Variants in STAT6 observed in about 807,000 individuals in gnomAD.
STAT6 encodes STAT, interleukin4-induced.
STAT6 carries 45 observed loss-of-function variants against 106.3 expected under a neutral mutation model. That is an observed-to-expected ratio of 0.42 (90% CI 0.33 to 0.54). The LOEUF (loss-of-function observed/expected upper bound fraction) is 0.54. Among genes scored for constraint, STAT6 ranks in the 20% least tolerant of loss-of-function variants. The pLI is 0.06. For synonymous variants in STAT6, 413 were observed against 413.6 expected, an observed-to-expected ratio of 1.00 and a Z score of 0.02; for missense variants, 797 against 1,062.2, an observed-to-expected ratio of 0.75 and a Z score of 3.47.
intron 7 of STAT6, 70 bp from the exon 8 acceptor site, chr12:57,105,669 T>A: frequency 1.9e-6 from 3 of 1,548,352 alleles, no homozygotes; most frequent in Non-Finnish European, 2.6e-6. Context: ...CCCCTTCCCC[T>A]ATACCCAGGG....
chr12:57,098,844 G>A lies in STAT6; in HGVS notation c.2014C>T (p.Leu672Phe). The A allele has an allele frequency of 6.2e-7, 1 of 1,613,256 alleles. No individual in the cohort carries two copies. Among genetic ancestry groups the A allele is most frequent in the African/African-American group, 1.3e-5 (1 of 74,968 alleles). The change falls in exon 18 of 22, where the codon CTT becomes TTT. Residue 672 changes from leucine to phenylalanine, a missense_variant. By Grantham distance (22) the Leu-to-Phe change is conservative. Around this residue, in one of 4 missense-constraint regions of STAT6, gnomAD observed 226 missense variants for 236.7 expected, o/e 0.95. Transcript: ENST00000300134. ...QMPTMVPSYD[L>F]GMAPDSSMSM... ...ATGGAGGAATCAGGGGCCATTCCAA[G>A]GTCATAAGAAGGCACCATGGTAGGC...
intron 7 of STAT6, 194 bp downstream of exon 7, chr12:57,105,997 C>T (rs2034250770): frequency 2.2e-6 from 2 of 922,236 alleles, no homozygotes; most frequent in African/African-American, 1.7e-5. Flanking sequence ...CGCTTGTGCC[C>T]CTCCACTAGG....
chr12:57,099,247 A>G lies in STAT6; in HGVS notation c.1891+47T>C. 1 of 1,612,474 alleles carries G rather than the reference A, an allele frequency of 6.2e-7. No individual in the cohort carries two copies. Among genetic ancestry groups the G allele is most frequent in the Non-Finnish European group, 8.5e-7 (1 of 1,178,826 alleles). On this transcript the variant is annotated intron_variant, in intron 16 of 21. Transcript: ENST00000300134. The surrounding 1 kb of genome is among the most constrained non-coding windows in gnomAD (Gnocchi z 4.7). ...GAGAGGAGGGCAGCGGGGAGCAGGG[A>G]GGAAGTGGGTGACAGGAAGGAATCA...
At position 57,099,870 on chromosome 12, in the gene STAT6, A is replaced by G; in HGVS notation, c.1641T>C (p.Val547=). The stretch of plus-strand genomic sequence containing the variant: ...CGGGCTCATTGAGAAGAAGGCTAGT[A>G]ACGTACTGTTTGCTGATGAAGCCAA... The part of the protein sequence containing the change: ...LIIGFISKQY[V]TSLLLNEPDG... The change falls in exon 15 of 22, where the codon GTT becomes GTC. Residue 547 remains valine (V), a synonymous_variant. Transcript: ENST00000300134. This position sits in a 1 kb window ranked among gnomAD's most constrained non-coding sequence, Gnocchi z 4.7. 1 of 1,614,210 alleles carries G rather than the reference A, an allele frequency of 6.2e-7. No homozygotes were observed. Among genetic ancestry groups the G allele is most frequent in the African/African-American group, 1.3e-5 (1 of 75,040 alleles).
At position 57,096,776 on chromosome 12, in the gene STAT6, GAGA is replaced by G; in HGVS notation, c.2355-18_2355-16del. 6.2e-7 allele frequency: 1 copy of G among 1,613,488 alleles called. No individual in the cohort carries two copies. Among genetic ancestry groups the G allele is most frequent in the Non-Finnish European group, 8.5e-7 (1 of 1,179,742 alleles). Reference sequence around the variant, plus strand: ...CTTCACCAATCCTGCAAGGAGATGGGAGAAGCAGTGGAGTAGGCATGGCGCCCA... The same window carrying G: ...CTTCACCAATCCTGCAAGGAGATGGGAGCAGTGGAGTAGGCATGGCGCCCA... On this transcript the variant is annotated splice_polypyrimidine_tract_variant and intron_variant, in intron 21 of 21. Transcript: ENST00000300134.
chr12:57,110,089 G>A (rs1041716451), intron 1 of STAT6: 1 of 152,300 alleles, frequency 6.6e-6, no homozygotes, highest in Non-Finnish European at 1.5e-5. Flanking sequence ...CTCCTGCTCA[G>A]GTTCCTCCAA....
At position 57,105,488 on chromosome 12, in the gene STAT6, G is replaced by C; in HGVS notation, c.792C>G (p.Val264=). 1 of 1,614,074 alleles carries C rather than the reference G, an allele frequency of 6.2e-7. No homozygotes were observed. Among genetic ancestry groups the C allele is most frequent in the African/African-American group, 1.3e-5 (1 of 75,028 alleles). Residue 264 remains valine (V), a synonymous_variant, in exon 8 of 22, where the codon GTC becomes GTG. Transcript: ENST00000300134. ...RASLTGRLDE[V]LRTLVTSCFL... is the part of the protein sequence containing the mutation. ...AATACCTGGTGACGAGGGTTCTCAGGACTTCATCCAGCCGGCCAGTCAGCG... is the reference window on the plus strand; with the variant it reads ...AATACCTGGTGACGAGGGTTCTCAGCACTTCATCCAGCCGGCCAGTCAGCG...
chr12:57,098,671 G>A lies in STAT6; in HGVS notation c.2067-74C>T, dbSNP rs899119289. 4.3e-5 allele frequency: 67 copies of A among 1,562,298 alleles called. 1 individual carries two copies. In the African/African-American group the frequency reaches 8.7e-4, roughly 20 times the overall value. ...CACCACACCCTGCTTTTGAACAGGT[G>A]TCCCTCTCATGGAAAGGAAGATTCC... On this transcript the variant is annotated intron_variant, in intron 18 of 21. Coordinates refer to ENST00000300134, the MANE Select transcript of STAT6 (RefSeq NM_003153.5).
At position 57,107,327 on chromosome 12, in the gene STAT6, G is replaced by T. The variant is rs1442787848; in HGVS notation, c.256-13C>A. The T allele has an allele frequency of 1.7e-5, 27 of 1,612,218 alleles. No homozygotes were observed. Among genetic ancestry groups the T allele is most frequent in the Non-Finnish European group, 2.0e-5 (24 of 1,178,380 alleles). On this transcript the variant is annotated splice_polypyrimidine_tract_variant and intron_variant, in intron 3 of 21. Transcript: ENST00000300134. ...TCTGATATATGCTCTACAGAAATGA[G>T]GGTGGTAAACAGTGAGCTTTGCTCT...
chr12:57,098,044 T>C (rs1323939211), intron 19 of STAT6, among the ~76,000 whole-genome samples: 1 of 152,188 alleles, frequency 6.6e-6, no homozygotes, highest in Non-Finnish European at 1.5e-5. Flanking sequence ...TGTATAGTAG[T>C]CTATACCATC....
intron 12 of STAT6, 117 bp from the exon 13 acceptor site, chr12:57,102,613 C>T: frequency 8.8e-7 from 1 of 1,132,218 alleles, no homozygotes; most frequent in Non-Finnish European, 1.3e-6. Flanking sequence ...TGATATCGCT[C>T]ACAAACATGC....
chr12:57,107,328 G>A lies in STAT6; in HGVS notation c.256-14C>T. The A allele has an allele frequency of 6.2e-7, 1 of 1,611,812 alleles. No individual in the cohort carries two copies. The highest frequency in any genetic ancestry group is 8.5e-7 in the Non-Finnish European group (1 of 1,177,970). ...CTGATATATGCTCTACAGAAATGAG[G>A]GTGGTAAACAGTGAGCTTTGCTCTT... On this transcript the variant is annotated splice_polypyrimidine_tract_variant and intron_variant, in intron 3 of 21. Coordinates refer to ENST00000300134, the MANE Select transcript of STAT6 (RefSeq NM_003153.5).
Position 57,106,165 on chromosome 12 carries a change from C to T in STAT6, c.680+26G>A, listed in dbSNP as rs367954098. On this transcript the variant is annotated intron_variant, in intron 7 of 21. Coordinates refer to ENST00000300134, the MANE Select transcript of STAT6 (RefSeq NM_003153.5). ...CAGCTGCCCACCCCCAGCTTGCCCC[C>T]TCTTCCCCATCAGCCCTAGCCCAAC... The T allele has an allele frequency of 4.3e-6, 7 of 1,612,540 alleles. No homozygotes were observed. In the East Asian group the frequency reaches 1.3e-4, roughly 31 times the overall value.
intron 1 of STAT6, among the ~76,000 whole-genome samples, chr12:57,109,202 AAAAT>A (rs1214922278): frequency 3.9e-5 from 6 of 152,080 alleles, no homozygotes; most frequent in African/African-American, 1.4e-4. Flanking sequence ...ACTCTGCCTC[AAAAT>A]AAATAAATAA....
chr12:57,099,989 G>T lies in STAT6; in HGVS notation c.1607+7C>A, dbSNP rs2033715366. On this transcript the variant is annotated splice_region_variant and intron_variant, in intron 14 of 21. Transcript: ENST00000300134. This position sits in a 1 kb window ranked among gnomAD's most constrained non-coding sequence, Gnocchi z 4.7. ...GGCTGCTCAGACTACCCAGGGTGGGGACTCACCGGTCAGACCAGTAGCTCC... is the reference window on the plus strand; with the variant it reads ...GGCTGCTCAGACTACCCAGGGTGGGTACTCACCGGTCAGACCAGTAGCTCC... The T allele has an allele frequency of 6.2e-7, 1 of 1,613,830 alleles. No individual in the cohort carries two copies. Among genetic ancestry groups the T allele is most frequent in the South Asian group, 1.1e-5 (1 of 91,032 alleles).
At position 57,098,549 on chromosome 12, in the gene STAT6, G is replaced by T; in HGVS notation, c.2115C>A (p.Gly705=). 1 of 1,614,152 alleles carries T rather than the reference G, an allele frequency of 6.2e-7. No individual in the cohort carries two copies. The highest frequency in any genetic ancestry group is 8.5e-7 in the Non-Finnish European group (1 of 1,180,044). ...PHSHSIPPYQ[G]LSPEESVNVL... is the part of the protein sequence containing the mutation. ...CGTTGACTGATTCTTCTGGGGAGAGGCCTTGATACGGGGGGATGGAGTGAG... is the reference window on the plus strand; with the variant it reads ...CGTTGACTGATTCTTCTGGGGAGAGTCCTTGATACGGGGGGATGGAGTGAG... Residue 705 remains glycine (G), a synonymous_variant, in exon 19 of 22, where the codon GGC becomes GGA. Coordinates refer to ENST00000300134, the MANE Select transcript of STAT6 (RefSeq NM_003153.5).
intron 18 of STAT6, 81 bp downstream of exon 18, chr12:57,098,711 G>C: frequency 1.3e-6 from 2 of 1,551,398 alleles, no homozygotes; most frequent in Non-Finnish European, 1.8e-6. Flanking sequence ...TCAGCCCCCA[G>C]TGCCAGCTCT....
chr12:57,099,656 G>T lies in STAT6; in HGVS notation c.1744+111C>A, dbSNP rs375640851. The T allele has an allele frequency of 6.7e-7, 1 of 1,497,114 alleles. No homozygotes were observed. 92.7% of individuals were successfully genotyped at this position (1,497,114 alleles called of 1,614,324 possible). Reference sequence around the variant, plus strand: ...ACAGAAGGAAGAAGAGAAGCTGGAAGAACTTCCTGAAGATCAGGATCGGCA... The same window carrying T: ...ACAGAAGGAAGAAGAGAAGCTGGAATAACTTCCTGAAGATCAGGATCGGCA... On this transcript the variant is annotated intron_variant, in intron 15 of 21. Coordinates refer to ENST00000300134, the MANE Select transcript of STAT6 (RefSeq NM_003153.5). This position sits in a 1 kb window ranked among gnomAD's most constrained non-coding sequence, Gnocchi z 4.7.
chr12:57,107,624 T>C lies in STAT6; in HGVS notation c.236A>G (p.Gln79Arg). ...CCCCACCTCAAGGGTGCTGATGTGT[T>C]GCAAGATGGTGCTCCCCTCCCCCTG... Reference protein sequence around the residue: ...GEQGEGSTILQHISTLESIYQ... With the variant: ...GEQGEGSTILRHISTLESIYQ... Residue 79 changes from glutamine (Q) to arginine (R), a missense_variant, in exon 3 of 22, where the codon CAA becomes CGA. By Grantham distance (43) the Gln-to-Arg change is conservative. Transcript: ENST00000300134. 6.2e-7 allele frequency: 1 copy of C among 1,614,056 alleles called. No homozygotes were observed. The highest frequency in any genetic ancestry group is 8.5e-7 in the Non-Finnish European group (1 of 1,179,970).
Sources: gnomAD v4.1 joint callset for allele counts (sites outside exome capture counted in the v4.1 genomes callset) on GRCh38, gnomAD v4.1.1 for gene constraint, gnomAD v4.1.1 regional missense constraint, Gnocchi (gnomAD v3.1) non-coding constraint, MANE v1.5 for transcripts, NCBI Gene and HGNC (gene_info 2026-07-23, HGNC 2026-07-21) for gene names.